The following CPQ variants were observed in gnomAD, a reference collection of about 807,000 sequenced individuals.
The protein encoded by CPQ is Ser-Met dipeptidase.
CPQ carries 37 observed loss-of-function variants against 45.7 expected under a neutral mutation model. The observed-to-expected ratio is 0.81, with a 90% CI of 0.62 to 1.07. The LOEUF is 1.07. Ranked by LOEUF, CPQ falls within the 50% of genes least tolerant of loss-of-function variation. The probability of loss-of-function intolerance (pLI) is 0.00; values close to 1 mark genes in which losing one functional copy is unlikely to be tolerated. For missense variants in CPQ, 537 were observed against 572.9 expected, an observed-to-expected ratio of 0.94 and a Z score of 0.64; for synonymous variants, 186 against 205.8, an observed-to-expected ratio of 0.90 and a Z score of 0.82.
chr8:97,120,388 A>G (rs1303482906), intron 7 of CPQ, among the ~76,000 whole-genome samples: 1 of 145,844 alleles, frequency 6.9e-6, no homozygotes, highest in Non-Finnish European at 1.5e-5. Context: ...TTACTGATCT[A>G]TTCCTTTACT....
At chr8:97,004,287 A>C (rs1809339251) in intron 5 of CPQ, among the ~76,000 whole-genome samples, 1 of 151,962 alleles carries the variant, frequency 6.6e-6, no homozygotes, top group African/African-American at 2.4e-5. Flanking sequence ...AAAAAAAAAA[A>C]GTTTAAAATG....
intron 6 of CPQ, among the ~76,000 whole-genome samples, chr8:97,050,733 T>G (rs1810346510): frequency 1.3e-5 from 2 of 152,160 alleles, no homozygotes; most frequent in South Asian, 4.1e-4. Context: ...AGTAGCCTTT[T>G]GGTCCTGATT....
chr8:96,877,101 A>G (rs1051173107), intron 3 of CPQ, among the ~76,000 whole-genome samples: 1 of 152,176 alleles, frequency 6.6e-6, no homozygotes, highest in African/African-American at 2.4e-5. Flanking sequence ...AAATGGGGAC[A>G]GGACGGTGGT....
intron 7 of CPQ, among the ~76,000 whole-genome samples, chr8:97,128,191 C>T (rs1489634564): frequency 6.6e-6 from 1 of 152,208 alleles, no homozygotes; most frequent in East Asian, 1.9e-4. Context: ...ACTATGAATT[C>T]CTTTAGTCAC....
At chr8:96,927,707 T>C (rs1422370003) in intron 4 of CPQ, among the ~76,000 whole-genome samples, 1 of 152,096 alleles carries the variant, frequency 6.6e-6, no homozygotes, top group Non-Finnish European at 1.5e-5. Context: ...TCAGAGACTC[T>C]CTCCTAGGAA....
chr8:96,996,423 TC>T (rs1809180074), intron 5 of CPQ, among the ~76,000 whole-genome samples: 1 of 151,948 alleles, frequency 6.6e-6, no homozygotes, highest in Non-Finnish European at 1.5e-5. Flanking sequence ...ACCACCAAAG[TC>T]TTCCCCATTT....
intron 1 of CPQ, among the ~76,000 whole-genome samples, chr8:96,719,346 G>A (rs756031946): frequency 3.3e-4 from 51 of 152,340 alleles, no homozygotes; most frequent in Non-Finnish European, 6.2e-4. Context: ...GTTCCTCATT[G>A]CCCAGGGCTG....
chr8:96,784,783 C>A, intron 1 of CPQ, 81 bp from the exon 2 acceptor site: 1 of 1,024,840 alleles, frequency 9.8e-7, no homozygotes, highest in Non-Finnish European at 1.4e-6. Flanking sequence ...GGGAATGCTG[C>A]TTGAAAAGCA....
chr8:96,705,319 C>T (rs1357929063), intron 1 of CPQ, among the ~76,000 whole-genome samples: 1 of 152,126 alleles, frequency 6.6e-6, no homozygotes, highest in East Asian at 1.9e-4. Flanking sequence ...TAGTGCCTAG[C>T]ATGCTTCCAG....
chr8:97,006,036 G>A (rs10441498), intron 5 of CPQ, among the ~76,000 whole-genome samples: 17,758 of 152,160 alleles, frequency 0.12, 1,241 homozygotes, highest in Admixed American at 0.18. Flanking sequence ...AAAAATGTCC[G>A]ATAAGGGAAG....
rs373600816 is a variant in CPQ, at chr8:96,754,473, G to A, written c.-34-30391G>A. Among the ~76,000 whole-genome samples, 69 of 152,066 alleles carry A rather than the reference G, an allele frequency of 4.5e-4. 1 individual carries two copies. Among genetic ancestry groups the A allele is most frequent in the African/African-American group, 1.7e-3 (69 of 41,554 alleles). ...ATGTCAACGTCATAAAGTGAGTTAG[G>A]ATAGCTTTTCCTACTTTAACCTACC... is the stretch of plus-strand genomic sequence containing the variant. On this transcript the variant is annotated intron_variant, in intron 1 of 7. Transcript: ENST00000220763.
At chr8:96,792,265 A>G (rs1810856758) in intron 2 of CPQ, among the ~76,000 whole-genome samples, 1 of 152,206 alleles carries the variant, frequency 6.6e-6, no homozygotes, top group South Asian at 2.1e-4. Flanking sequence ...GAGATAACAT[A>G]GCATACATCA....
intron 5 of CPQ, among the ~76,000 whole-genome samples, chr8:97,028,143 C>T (rs1809833048): frequency 6.6e-6 from 1 of 152,352 alleles, no homozygotes; most frequent in East Asian, 1.9e-4. Flanking sequence ...GCATCCTAAA[C>T]CTATGCTTTT....
chr8:97,093,175 C>G (rs1811152968), intron 7 of CPQ, among the ~76,000 whole-genome samples: 1 of 152,098 alleles, frequency 6.6e-6, no homozygotes, highest in Admixed American at 6.6e-5. Context: ...ATAACAGATG[C>G]TGGCAAAGTT....
chr8:96,783,260 A>AGTGTGTGTGTGTGT (rs71267280), intron 1 of CPQ, among the ~76,000 whole-genome samples: 47 of 147,982 alleles, frequency 3.2e-4, no homozygotes, highest in African/African-American at 1.1e-3. Context: ...TAGTTGTGTG[A>AGTGTGTGTGTGTGT]GTGTGTGTGT....
At chr8:97,124,151 G>A (rs866437363) in intron 7 of CPQ, among the ~76,000 whole-genome samples, 1 of 150,378 alleles carries the variant, frequency 6.6e-6, no homozygotes, top group Non-Finnish European at 1.5e-5. Context: ...GTTTGAGCTG[G>A]GGAGGTGGAG....
At chr8:96,695,958 T>G (rs1809374702) in intron 1 of CPQ, among the ~76,000 whole-genome samples, 3 of 149,704 alleles carry the variant, frequency 2.0e-5, no homozygotes, top group Admixed American at 2.0e-4. Context: ...CCCAAAGGAC[T>G]ATAAATCATG....
At chr8:96,650,886 T>C (rs2704246) in intron 1 of CPQ, among the ~76,000 whole-genome samples, 27,437 of 152,138 alleles carry the variant, frequency 0.18, 2,598 homozygotes, top group African/African-American at 0.23. Flanking sequence ...AGTGTTATGA[T>C]TAAATTTTTT....
At chr8:96,650,827 G>A (rs16894985) in intron 1 of CPQ, among the ~76,000 whole-genome samples, 8,518 of 152,192 alleles carry the variant, frequency 0.056, 813 homozygotes, top group African/African-American at 0.2. Flanking sequence ...TGTTATCTAC[G>A]TAAATCAAAT....
Sources: gnomAD v4.1 joint callset for allele counts (sites outside exome capture counted in the v4.1 genomes callset) on GRCh38, gnomAD v4.1.1 for gene constraint, MANE v1.5 for transcripts, NCBI Gene and HGNC (gene_info 2026-07-23, HGNC 2026-07-21) for gene names.